Variants in GRM8 observed in about 807,000 individuals in gnomAD.
GRM8 encodes glutamate metabotropic receptor 8.
GRM8 carries 47 observed loss-of-function variants against 87.2 expected under a neutral mutation model. The observed-to-expected ratio is 0.54, with a 90% confidence interval of 0.43 to 0.69. The LOEUF (loss-of-function observed/expected upper bound fraction) is 0.69, where lower values mean the gene tolerates loss of function less well. Ranked by LOEUF, GRM8 falls within the 30% of genes least tolerant of loss-of-function variation. The probability of loss-of-function intolerance (pLI) is 0.00; values close to 1 mark genes in which losing one functional copy is unlikely to be tolerated. For missense variants in GRM8, 1,019 were observed against 1,139.2 expected (o/e 0.89, Z 1.52); for synonymous variants, 396 against 404.5 (o/e 0.98, Z 0.25).
intron 7 of GRM8, among the ~76,000 whole-genome samples, chr7:126,722,895 A>ATTATATATATAATATGTTAT (rs5741662): frequency 1.4e-5 from 2 of 143,996 alleles, no homozygotes; most frequent in African/African-American, 2.6e-5. Flanking sequence ...TGTGAAAAAA[A>ATTATATATATAATATGTTAT]ATATATATAA....
intron 9 of GRM8, among the ~76,000 whole-genome samples, chr7:126,498,544 C>A (rs1181861700): frequency 6.6e-6 from 1 of 151,956 alleles, no homozygotes. Context: ...CTGAAAACGG[C>A]TCTACAGAAA....
chr7:126,732,068 C>T (rs1446303726), intron 7 of GRM8, among the ~76,000 whole-genome samples: 1 of 151,922 alleles, frequency 6.6e-6, no homozygotes, highest in Non-Finnish European at 1.5e-5. Flanking sequence ...GCAAGTATCA[C>T]CAAAACTCTT....
intron 3 of GRM8, among the ~76,000 whole-genome samples, chr7:126,945,549 C>A (rs1054530296): frequency 1.3e-5 from 2 of 152,248 alleles, no homozygotes; most frequent in African/African-American, 4.8e-5. Flanking sequence ...ATTGTTAAAA[C>A]ATACTGTATA....
rs568060411 is a variant in GRM8, at chr7:126,639,935, T to C, written c.1358-30437A>G. On this transcript the variant is annotated intron_variant, in intron 7 of 10. Transcript: ENST00000339582. ...GGTTATAAAAATGTCATCTAGACCA[T>C]GCAGACAAGCCCATCTGTATTTAAG... is the stretch of plus-strand genomic sequence containing the variant. 7.1e-4 allele frequency among the ~76,000 whole-genome samples: 108 copies of C among 152,326 alleles called. 1 individual carries two copies. Among genetic ancestry groups the C allele is most frequent in the African/African-American group, 2.5e-3 (104 of 41,576 alleles).
intron 3 of GRM8, among the ~76,000 whole-genome samples, chr7:126,933,961 T>G (rs1385309237): frequency 6.6e-6 from 1 of 152,200 alleles, no homozygotes; most frequent in Non-Finnish European, 1.5e-5. Context: ...CTTGATATAT[T>G]TGTTGATACA....
chr7:127,205,068 C>T (rs957757685), intron 2 of GRM8, among the ~76,000 whole-genome samples: 1 of 152,216 alleles, frequency 6.6e-6, no homozygotes. Context: ...AAAGACAAAA[C>T]TGTGCTGATC....
intron 3 of GRM8, among the ~76,000 whole-genome samples, chr7:127,100,990 C>T (rs1205678001): frequency 6.6e-6 from 1 of 152,134 alleles, no homozygotes; most frequent in Non-Finnish European, 1.5e-5. Context: ...GATCAATGTT[C>T]CTTGCTATTC....
chr7:126,676,233 A>G (rs1381765657), intron 7 of GRM8, among the ~76,000 whole-genome samples: 1 of 152,208 alleles, frequency 6.6e-6, no homozygotes, highest in African/African-American at 2.4e-5. Flanking sequence ...TAAATCACAC[A>G]AACACATGGA....
intron 7 of GRM8, among the ~76,000 whole-genome samples, chr7:126,709,829 T>A (rs1810918249): frequency 6.6e-6 from 1 of 152,080 alleles, no homozygotes; most frequent in African/African-American, 2.4e-5. Context: ...AATGGAATAT[T>A]ATTCAAACAT....
chr7:126,989,542 G>A (rs564485580), intron 3 of GRM8, among the ~76,000 whole-genome samples: 1 of 152,276 alleles, frequency 6.6e-6, no homozygotes, highest in South Asian at 2.1e-4. Flanking sequence ...AACTAGAGCA[G>A]GGGTCAGGTT....
At chr7:126,610,452 T>C (rs1445181960) in intron 7 of GRM8, among the ~76,000 whole-genome samples, 2 of 152,208 alleles carry the variant, frequency 1.3e-5, no homozygotes. Context: ...GCCTTTTATC[T>C]GACTCTCTTC....
chr7:127,244,460 A>G (rs1308641082), intron 1 of GRM8, among the ~76,000 whole-genome samples: 1 of 142,980 alleles, frequency 7.0e-6, no homozygotes, highest in African/African-American at 2.6e-5. Flanking sequence ...TTTTTTTCAA[A>G]CGACTTTTGA....
chr7:126,543,144 T>C (rs1816737055), intron 8 of GRM8, among the ~76,000 whole-genome samples: 3 of 152,240 alleles, frequency 2.0e-5, no homozygotes, highest in Non-Finnish European at 4.4e-5. Flanking sequence ...GCAATCCTCC[T>C]TAGTCCTTTT....
At chr7:126,461,604 G>C (rs1210112491) in intron 9 of GRM8, among the ~76,000 whole-genome samples, 1 of 151,596 alleles carries the variant, frequency 6.6e-6, no homozygotes, top group African/African-American at 2.4e-5. Context: ...CTTTGAAACT[G>C]TCTTAACATT....
At chr7:126,761,164 C>CTCCA (rs1817554660) in intron 7 of GRM8, among the ~76,000 whole-genome samples, 1 of 151,584 alleles carries the variant, frequency 6.6e-6, no homozygotes, top group Non-Finnish European at 1.5e-5. Context: ...CACCACTGCA[C>CTCCA]TCCAGCCTGG....
chr7:127,187,259 T>C (rs775620422), intron 2 of GRM8, among the ~76,000 whole-genome samples: 1 of 152,142 alleles, frequency 6.6e-6, no homozygotes, highest in Non-Finnish European at 1.5e-5. Flanking sequence ...TCGTTTAATA[T>C]CAAAACATCT....
intron 2 of GRM8, among the ~76,000 whole-genome samples, chr7:127,185,809 A>G (rs1563565589): frequency 6.6e-6 from 1 of 152,170 alleles, no homozygotes; most frequent in Non-Finnish European, 1.5e-5. Context: ...CTATGTATAC[A>G]ATTTGGTGTG....
At chr7:126,906,954 G>T (rs1252563103) in intron 3 of GRM8, among the ~76,000 whole-genome samples, 2 of 152,148 alleles carry the variant, frequency 1.3e-5, no homozygotes, top group African/African-American at 4.8e-5. Context: ...TAGATACTGT[G>T]TGGGTGCTGT....
chr7:127,233,489 A>T (rs1199736410), intron 2 of GRM8, among the ~76,000 whole-genome samples: 1 of 152,238 alleles, frequency 6.6e-6, no homozygotes, highest in Non-Finnish European at 1.5e-5. Context: ...AACAAATAAA[A>T]TTGCCACAAC....
Sources: gnomAD v4.1 joint callset for allele counts (sites outside exome capture counted in the v4.1 genomes callset) on GRCh38, gnomAD v4.1.1 for gene constraint, MANE v1.5 for transcripts, NCBI Gene and HGNC (gene_info 2026-07-23, HGNC 2026-07-21) for gene names.